Variants in RAB38 observed in about 807,000 individuals in gnomAD.
RAB38 encodes ras-related protein Rab-38.
A neutral mutation model predicts 18.4 loss-of-function variants in RAB38; 15 were observed. The observed-to-expected ratio is 0.82, with a 90% confidence interval of 0.55 to 1.26. The LOEUF is 1.26. Among genes scored for constraint, RAB38 ranks in the 50% most tolerant of loss-of-function variants. The probability of loss-of-function intolerance (pLI) is 0.00; values close to 1 mark genes in which losing one functional copy is unlikely to be tolerated. For missense variants in RAB38, 294 were observed against 267.4 expected, an observed-to-expected ratio of 1.10 and a Z score of -0.69; for synonymous variants, 101 against 104.4, an observed-to-expected ratio of 0.97 and a Z score of 0.20.
intron 1 of RAB38, chr11:88,165,441 TG>T (rs2134851201): frequency 6.6e-6 from 1 of 152,272 alleles, no homozygotes; most frequent in African/African-American, 2.4e-5. Context: ...TGCATATGAA[TG>T]CATAAAACTA....
the RAB38 span, among the ~76,000 whole-genome samples, chr11:87,957,532 G>A: frequency 6.6e-6 from 1 of 152,126 alleles, no homozygotes; most frequent in Non-Finnish European, 1.5e-5. Context: ...AAAGAAAGTA[G>A]AATCTAATAG....
the RAB38 span, among the ~76,000 whole-genome samples, chr11:88,032,375 C>T: frequency 6.6e-6 from 1 of 152,132 alleles, no homozygotes; most frequent in Non-Finnish European, 1.5e-5. Context: ...CCAAAATTGA[C>T]AAATGGGATC....
chr11:88,132,063 G>A (rs1019757863), intron 2 of RAB38, among the ~76,000 whole-genome samples: 1 of 152,182 alleles, frequency 6.6e-6, no homozygotes, highest in Non-Finnish European at 1.5e-5. Context: ...AGGTTTAGAT[G>A]AGAACACAGC....
chr11:88,165,277 T>C (rs1943233822), intron 1 of RAB38, among the ~76,000 whole-genome samples: 1 of 152,152 alleles, frequency 6.6e-6, no homozygotes, highest in African/African-American at 2.4e-5. Context: ...TATCCCAGCA[T>C]GACCTGCTAC....
chr11:88,071,184 A>T, the RAB38 span, among the ~76,000 whole-genome samples: 1 of 151,920 alleles, frequency 6.6e-6, no homozygotes, highest in Non-Finnish European at 1.5e-5. Flanking sequence ...AGGATACCTT[A>T]CCTGCTTTCC....
chr11:88,074,146 T>C, the RAB38 span, among the ~76,000 whole-genome samples: 9 of 151,892 alleles, frequency 5.9e-5, no homozygotes, highest in African/African-American at 2.2e-4. Context: ...TTCCAAAGCT[T>C]AAATAATGAA....
chr11:88,022,625 A>AAAAAAAAC, the RAB38 span, among the ~76,000 whole-genome samples: 3 of 150,582 alleles, frequency 2.0e-5, no homozygotes, highest in Non-Finnish European at 4.4e-5. Flanking sequence ...AAAAAAAAAA[A>AAAAAAAAC]AAAAAAACAA....
chr11:87,893,751 C>G, the RAB38 span, among the ~76,000 whole-genome samples: 1 of 151,584 alleles, frequency 6.6e-6, no homozygotes, highest in East Asian at 2.0e-4. Context: ...GCTACTTTAG[C>G]TACTTTGCCT....
At chr11:87,904,497 G>A in the RAB38 span, among the ~76,000 whole-genome samples, 1 of 151,712 alleles carries the variant, frequency 6.6e-6, no homozygotes. Flanking sequence ...CACCACTGAT[G>A]GGTGCCTTGG....
chr11:87,857,638 G>GTCTT, the RAB38 span, among the ~76,000 whole-genome samples: 1 of 152,150 alleles, frequency 6.6e-6, no homozygotes, highest in Non-Finnish European at 1.5e-5. Flanking sequence ...TTTTTCATGT[G>GTCTT]TCTTTTGGCT....
chr11:87,901,997 A>G, the RAB38 span, among the ~76,000 whole-genome samples: 1 of 151,040 alleles, frequency 6.6e-6, no homozygotes, highest in South Asian at 2.1e-4. Flanking sequence ...AAACAAAAGC[A>G]TGACAGAAAG....
At chr11:87,939,443 T>C in the RAB38 span, among the ~76,000 whole-genome samples, 1 of 150,534 alleles carries the variant, frequency 6.6e-6, no homozygotes, top group Non-Finnish European at 1.5e-5. Context: ...AATAAAGAAG[T>C]TGAAACAAAC....
At chr11:88,045,158 G>T in the RAB38 span, among the ~76,000 whole-genome samples, 30 of 152,192 alleles carry the variant, frequency 2.0e-4, no homozygotes, top group East Asian at 5.4e-3. Context: ...ACCCTGAAAG[G>T]TCAGAAGGCC....
At chr11:87,814,979 C>G in the RAB38 span, 5 of 152,316 alleles carry the variant, frequency 3.3e-5, no homozygotes, top group African/African-American at 1.2e-4. Flanking sequence ...GTGATCCGCC[C>G]GCCTCGGCCT....
the RAB38 span, among the ~76,000 whole-genome samples, chr11:87,976,359 TA>T: frequency 9.8e-5 from 14 of 142,206 alleles, no homozygotes; most frequent in Non-Finnish European, 1.7e-4. Flanking sequence ...AATATAAATA[TA>T]AAAAATATAT....
the RAB38 span, among the ~76,000 whole-genome samples, chr11:87,813,810 C>A: frequency 6.6e-6 from 1 of 152,254 alleles, no homozygotes; most frequent in Admixed American, 6.5e-5. Flanking sequence ...ACGGTGGTGG[C>A]TGGCACAAAA....
chr11:87,977,585 T>C, the RAB38 span, among the ~76,000 whole-genome samples: 1 of 118,164 alleles, frequency 8.5e-6, no homozygotes. Flanking sequence ...AACATAATTT[T>C]ATAATAATTA....
chr11:87,944,076 G>A, the RAB38 span, among the ~76,000 whole-genome samples: 2 of 152,098 alleles, frequency 1.3e-5, no homozygotes, highest in Non-Finnish European at 2.9e-5. Context: ...ATTCTTTGGT[G>A]TCCCAGTGCA....
chr11:88,095,528 T>C, the RAB38 span, among the ~76,000 whole-genome samples: 1 of 151,916 alleles, frequency 6.6e-6, no homozygotes, highest in Non-Finnish European at 1.5e-5. Flanking sequence ...ATGCTATTCC[T>C]TCTTATTTTT....
Sources: gnomAD v4.1 joint callset for allele counts (sites outside exome capture counted in the v4.1 genomes callset) on GRCh38, gnomAD v4.1.1 for gene constraint, MANE v1.5 for transcripts, NCBI Gene and HGNC (gene_info 2026-07-23, HGNC 2026-07-21) for gene names.